GPR25: variants seen among roughly 807,000 people sequenced by gnomAD.
GPR25 encodes C-X-C chemokine receptor GPR25.
For missense variants in GPR25, 501 were observed against 503.0 expected, an observed-to-expected ratio of 1.00 and a Z score of 0.04; for synonymous variants, 280 against 264.9, an observed-to-expected ratio of 1.06 and a Z score of -0.55.
rs1262190425 is a variant in GPR25 at position 200,873,677 on chromosome 1, C to T, written c.640C>T (p.Pro214Ser). The change falls in exon 1 of 1, where the codon CCC becomes TCC. Residue 214 changes from proline to serine, a missense_variant. Coordinates refer to ENST00000304244, the MANE Select transcript of GPR25 (RefSeq NM_005298.4). ...LLLLLLTFVL[P>S]LVVTLFCYCR... Reference sequence around the variant, plus strand: ...GCTGCTGCTGCTGACCTTCGTGCTGCCCCTGGTCGTCACCCTCTTCTGCTA... The same window carrying T: ...GCTGCTGCTGCTGACCTTCGTGCTGTCCCTGGTCGTCACCCTCTTCTGCTA... 1 of 1,598,392 alleles carries T rather than the reference C, an allele frequency of 6.3e-7. No homozygotes were observed. The highest frequency in any genetic ancestry group is 8.5e-7 in the Non-Finnish European group (1 of 1,179,552).
Position 200,873,802 on chromosome 1 carries a change from C to T in GPR25, c.765C>T (p.Gly255=). ...IIFAIESTFV[G]SWLPFSALRA... The stretch of plus-strand genomic sequence containing the variant: ...TCGCCATCGAGAGCACGTTTGTGGG[C>T]TCCTGGCTGCCCTTCAGCGCCCTGC... The change falls in exon 1 of 1, where the codon GGC becomes GGT. Residue 255 remains glycine, a synonymous_variant. Coordinates refer to ENST00000304244, the MANE Select transcript of GPR25 (RefSeq NM_005298.4). 6.2e-7 allele frequency: 1 copy of T among 1,600,160 alleles called. No individual in the cohort carries two copies. Among genetic ancestry groups the T allele is most frequent in the Non-Finnish European group, 8.5e-7 (1 of 1,179,414 alleles).
In GPR25 at chr1:200,873,452, C is replaced by T. The variant is rs1274106720; in HGVS notation, c.415C>T (p.Leu139=). The T allele has an allele frequency of 6.4e-7, 1 of 1,557,330 alleles. No homozygotes were observed. Residue 139 remains leucine, a synonymous_variant, in exon 1 of 1, where the codon CTG becomes TTG. Transcript: ENST00000304244. ...GGCGGGCATGAGCGTGGACCGCTAC[C>T]TGGCCGTGGTGAAGCTGCTCGAGGC... ...LLAGMSVDRY[L]AVVKLLEARP...
In GPR25 at chr1:200,873,932, A is replaced by C. The variant is rs752625589; in HGVS notation, c.895A>C (p.Asn299His). The change falls in exon 1 of 1, where the codon AAC becomes CAC. Residue 299 changes from asparagine (N) to histidine (H), a missense_variant. Transcript: ENST00000304244. ...CATTGCCACCTGCCTGGCCTTCGTCAACAGCTGCGCCAACCCGCTCATCTA... is the reference window on the plus strand; with the variant it reads ...CATTGCCACCTGCCTGGCCTTCGTCCACAGCTGCGCCAACCCGCTCATCTA... ...LTIATCLAFV[N>H]SCANPLIYLL... is the part of the protein sequence containing the mutation. 1 of 1,611,478 alleles carries C rather than the reference A, an allele frequency of 6.2e-7. No individual in the cohort carries two copies. Among genetic ancestry groups the C allele is most frequent in the East Asian group, 2.2e-5 (1 of 44,832 alleles).
Position 200,873,981 on chromosome 1 carries a change from G to A in GPR25, c.944G>A (p.Arg315Gln). Residue 315 changes from arginine to glutamine, a missense_variant, in exon 1 of 1, where the codon CGA becomes CAA. Coordinates refer to ENST00000304244, the MANE Select transcript of GPR25 (RefSeq NM_005298.4). The stretch of plus-strand genomic sequence containing the variant: ...TACCTCCTGCTGGACCGCTCATTCC[G>A]AGCCCGGGCGCTGGACGGGGCCTGC... ...LIYLLLDRSF[R>Q]ARALDGACGR... 1.2e-6 allele frequency: 2 copies of A among 1,612,162 alleles called. No homozygotes were observed. Among genetic ancestry groups the A allele is most frequent in the South Asian group, 1.1e-5 (1 of 91,044 alleles).
In GPR25 at chr1:200,873,162, T is replaced by C; in HGVS notation, c.125T>C (p.Ile42Thr). 6.2e-7 allele frequency: 1 copy of C among 1,606,642 alleles called. No homozygotes were observed. The change falls in exon 1 of 1, where the codon ATC (isoleucine) becomes ACC (threonine). Residue 42 changes from isoleucine to threonine, a missense_variant. By Grantham distance (89) the Ile-to-Thr change is moderately conservative. Transcript: ENST00000304244. ...AGDLPYGYVY[I>T]PALYLAAFAV... is the part of the protein sequence containing the mutation. Reference sequence around the variant, plus strand: ...GACCTGCCCTACGGCTACGTCTACATCCCCGCGCTCTACCTGGCGGCCTTC... The same window carrying C: ...GACCTGCCCTACGGCTACGTCTACACCCCCGCGCTCTACCTGGCGGCCTTC...
rs745856591 is a variant in GPR25, at chr1:200,873,472, C to A, written c.435C>A (p.Leu145=). 1 of 1,563,018 alleles carries A rather than the reference C, an allele frequency of 6.4e-7. No individual in the cohort carries two copies. Among genetic ancestry groups the A allele is most frequent in the Admixed American group, 1.8e-5 (1 of 55,744 alleles). The change falls in exon 1 of 1, where the codon CTC becomes CTA. Residue 145 remains leucine, a synonymous_variant. Coordinates refer to ENST00000304244, the MANE Select transcript of GPR25 (RefSeq NM_005298.4). The part of the protein sequence containing the change: ...VDRYLAVVKL[L]EARPLRTPRC... The stretch of plus-strand genomic sequence containing the variant: ...GCTACCTGGCCGTGGTGAAGCTGCT[C>A]GAGGCGAGGCCACTGCGCACCCCGC...
Position 200,873,292 on chromosome 1 carries a change from C to A in GPR25, c.255C>A (p.Asp85Glu). 3 of 1,542,570 alleles carry A rather than the reference C, an allele frequency of 1.9e-6. No homozygotes were observed. The highest frequency in any genetic ancestry group is 1.9e-5 in the Admixed American group (1 of 51,642). ...DTFVLHLAAA[D>E]LGFVLTLPLW... ...TCGTGCTGCACCTGGCGGCAGCTGACCTGGGCTTCGTGCTCACGCTGCCGC... is the reference window on the plus strand; with the variant it reads ...TCGTGCTGCACCTGGCGGCAGCTGAACTGGGCTTCGTGCTCACGCTGCCGC... Residue 85 changes from aspartate (D) to glutamate (E), a missense_variant, in exon 1 of 1, where the codon GAC becomes GAA. Coordinates refer to ENST00000304244, the MANE Select transcript of GPR25 (RefSeq NM_005298.4).
At position 200,873,405 on chromosome 1, in the gene GPR25, G is replaced by T; in HGVS notation, c.368G>T (p.Arg123Leu). 13 of 1,496,082 alleles carry T rather than the reference G, an allele frequency of 8.7e-6. No homozygotes were observed. The highest frequency in any genetic ancestry group is 1.1e-5 in the Non-Finnish European group (12 of 1,132,420). 92.7% of individuals were successfully genotyped at this position (1,496,082 alleles called of 1,614,324 possible). A position where few individuals can be genotyped will look rare whatever the true frequency, so the allele number is the denominator to read the frequency against. The change falls in exon 1 of 1, where the codon CGC (arginine) becomes CTC (leucine). Residue 123 changes from arginine to leucine, a missense_variant. Coordinates refer to ENST00000304244, the MANE Select transcript of GPR25 (RefSeq NM_005298.4). ...KLSSFALAGT[R>L]CAGALLLAGM... Reference sequence around the variant, plus strand: ...AGCAGCTTCGCGCTGGCGGGCACGCGCTGCGCGGGCGCGCTGCTGCTGGCG... The same window carrying T: ...AGCAGCTTCGCGCTGGCGGGCACGCTCTGCGCGGGCGCGCTGCTGCTGGCG...
In GPR25 at chr1:200,873,716, C is replaced by A; in HGVS notation, c.679C>A (p.Arg227Ser). The change falls in exon 1 of 1, where the codon CGC (arginine) becomes AGC (serine). Residue 227 changes from arginine (R) to serine (S), a missense_variant. Transcript: ENST00000304244. ...CCTCTTCTGCTACTGCCGCATCTCGCGCCGCCTGCGACGGCCGCCGCACGT... is the reference window on the plus strand; with the variant it reads ...CCTCTTCTGCTACTGCCGCATCTCGAGCCGCCTGCGACGGCCGCCGCACGT... ...VTLFCYCRIS[R>S]RLRRPPHVGR... The A allele has an allele frequency of 6.3e-7, 1 of 1,597,798 alleles. No individual in the cohort carries two copies. The highest frequency in any genetic ancestry group is 8.5e-7 in the Non-Finnish European group (1 of 1,178,806).
chr1:200,873,726 G>A lies in GPR25; in HGVS notation c.689G>A (p.Arg230Gln). The change falls in exon 1 of 1, where the codon CGA becomes CAA. Residue 230 changes from arginine (R) to glutamine (Q), a missense_variant. By Grantham distance (43) the Arg-to-Gln change is conservative. Transcript: ENST00000304244. Reference protein sequence around the residue: ...FCYCRISRRLRRPPHVGRARR... With the variant: ...FCYCRISRRLQRPPHVGRARR... The stretch of plus-strand genomic sequence containing the variant: ...TACTGCCGCATCTCGCGCCGCCTGC[G>A]ACGGCCGCCGCACGTGGGTCGGGCC... 1 of 1,597,768 alleles carries A rather than the reference G, an allele frequency of 6.3e-7. No homozygotes were observed. Among genetic ancestry groups the A allele is most frequent in the South Asian group, 1.1e-5 (1 of 91,010 alleles).
rs770341765 is a variant in GPR25 at position 200,873,818 on chromosome 1, A to G, written c.781A>G (p.Ser261Gly). ...STFVGSWLPF[S>G]ALRAVFHLAR... ...GTTTGTGGGCTCCTGGCTGCCCTTC[A>G]GCGCCCTGCGGGCCGTCTTCCACCT... The change falls in exon 1 of 1, where the codon AGC (serine) becomes GGC (glycine). Residue 261 changes from serine (S) to glycine (G), a missense_variant. Ser to Gly is a moderately conservative substitution (Grantham distance 56, BLOSUM62 0). Coordinates refer to ENST00000304244, the MANE Select transcript of GPR25 (RefSeq NM_005298.4). 3.1e-6 allele frequency: 5 copies of G among 1,600,312 alleles called. No homozygotes were observed. Among genetic ancestry groups the G allele is most frequent in the African/African-American group, 2.7e-5 (2 of 74,704 alleles).
rs150175263 is a variant in GPR25 at position 200,873,104 on chromosome 1, G to C, written c.67G>C (p.Gly23Arg). ...SAPWDYSGLDGLEELELCPAG... is the reference protein window; with the variant it reads ...SAPWDYSGLDRLEELELCPAG... Reference sequence around the variant, plus strand: ...GCCCTGGGACTACTCGGGGTTGGACGGCCTGGAGGAGCTGGAGCTGTGTCC... The same window carrying C: ...GCCCTGGGACTACTCGGGGTTGGACCGCCTGGAGGAGCTGGAGCTGTGTCC... The change falls in exon 1 of 1, where the codon GGC (glycine) becomes CGC (arginine). Residue 23 changes from glycine to arginine, a missense_variant. Transcript: ENST00000304244. 51 of 1,594,280 alleles carry C rather than the reference G, an allele frequency of 3.2e-5. No individual in the cohort carries two copies. Among genetic ancestry groups the C allele is most frequent in the Non-Finnish European group, 4.3e-5 (51 of 1,174,302 alleles).
chr1:200,873,817 C>T lies in GPR25; in HGVS notation c.780C>T (p.Phe260=), dbSNP rs1410924769. 1.2e-6 allele frequency: 2 copies of T among 1,600,656 alleles called. No individual in the cohort carries two copies. Among genetic ancestry groups the T allele is most frequent in the African/African-American group, 1.3e-5 (1 of 74,912 alleles). ...CGTTTGTGGGCTCCTGGCTGCCCTT[C>T]AGCGCCCTGCGGGCCGTCTTCCACC... ...ESTFVGSWLP[F]SALRAVFHLA... is the part of the protein sequence containing the mutation. The change falls in exon 1 of 1, where the codon TTC becomes TTT. Residue 260 remains phenylalanine, a synonymous_variant. Transcript: ENST00000304244.
Position 200,873,454 on chromosome 1 carries a change from G to A in GPR25, c.417G>A (p.Leu139=), listed in dbSNP as rs748136315. Residue 139 remains leucine, a synonymous_variant, in exon 1 of 1, where the codon CTG becomes CTA. Transcript: ENST00000304244. ...LLAGMSVDRY[L]AVVKLLEARP... ...CGGGCATGAGCGTGGACCGCTACCT[G>A]GCCGTGGTGAAGCTGCTCGAGGCGA... 3.2e-6 allele frequency: 5 copies of A among 1,558,340 alleles called. No individual in the cohort carries two copies.
In GPR25 at chr1:200,872,999, G is replaced by C; in HGVS notation, c.-39G>C. The stretch of plus-strand genomic sequence containing the variant: ...CCTGCTCAGAGCTGCTGCCGCCTGC[G>C]CCCAGGGCTGCACTCCGCGCAGGCC... On this transcript the variant is annotated 5_prime_UTR_variant, in exon 1 of 1. Coordinates refer to ENST00000304244, the MANE Select transcript of GPR25 (RefSeq NM_005298.4). 1.4e-6 allele frequency: 2 copies of C among 1,454,892 alleles called. No individual in the cohort carries two copies. Among genetic ancestry groups the C allele is most frequent in the Non-Finnish European group, 1.8e-6 (2 of 1,105,456 alleles). 90.1% of individuals were successfully genotyped at this position (1,454,892 alleles called of 1,614,324 possible).
chr1:200,873,106 C>T lies in GPR25; in HGVS notation c.69C>T (p.Gly23=). 1.3e-6 allele frequency: 2 copies of T among 1,595,678 alleles called. No homozygotes were observed. The highest frequency in any genetic ancestry group is 2.3e-5 in the South Asian group (2 of 88,630). The part of the protein sequence containing the change: ...SAPWDYSGLD[G]LEELELCPAG... ...CCTGGGACTACTCGGGGTTGGACGG[C>T]CTGGAGGAGCTGGAGCTGTGTCCGG... The change falls in exon 1 of 1, where the codon GGC becomes GGT. Residue 23 remains glycine (G), a synonymous_variant. Transcript: ENST00000304244.
rs1360445820 is a variant in GPR25, at chr1:200,873,094, G to C, written c.57G>C (p.Ser19=). ...PSPGSAPWDY[S]GLDGLEELEL... is the part of the protein sequence containing the mutation. The stretch of plus-strand genomic sequence containing the variant: ...CGGGGTCAGCGCCCTGGGACTACTC[G>C]GGGTTGGACGGCCTGGAGGAGCTGG... The change falls in exon 1 of 1, where the codon TCG becomes TCC. Residue 19 remains serine, a synonymous_variant. Transcript: ENST00000304244. 1 of 1,588,812 alleles carries C rather than the reference G, an allele frequency of 6.3e-7. No homozygotes were observed. Among genetic ancestry groups the C allele is most frequent in the African/African-American group, 1.3e-5 (1 of 74,854 alleles).
Position 200,873,246 on chromosome 1 carries a change from C to T in GPR25, c.209C>T (p.Pro70Leu). ...TGGCTGCTGGCCGGGCGGCGGGGCCCGCGGCGGCTGGTGGATACCTTCGTG... is the reference window on the plus strand; with the variant it reads ...TGGCTGCTGGCCGGGCGGCGGGGCCTGCGGCGGCTGGTGGATACCTTCGTG... ...VVWLLAGRRG[P>L]RRLVDTFVLH... Residue 70 changes from proline to leucine, a missense_variant, in exon 1 of 1, where the codon CCG becomes CTG. Transcript: ENST00000304244. 3.2e-6 allele frequency: 5 copies of T among 1,578,578 alleles called. No individual in the cohort carries two copies. Among genetic ancestry groups the T allele is most frequent in the South Asian group, 2.3e-5 (2 of 87,250 alleles).
Position 200,873,342 on chromosome 1 carries a change from G to A in GPR25, c.305G>A (p.Gly102Asp), listed in dbSNP as rs1237798332. The A allele has an allele frequency of 2.0e-6, 3 of 1,477,848 alleles. No individual in the cohort carries two copies. Among genetic ancestry groups the A allele is most frequent in the African/African-American group, 3.0e-5 (2 of 67,762 alleles). 91.5% of individuals were successfully genotyped at this position (1,477,848 alleles called of 1,614,324 possible). A position where few individuals can be genotyped will look rare whatever the true frequency, so the allele number is the denominator to read the frequency against. ...CTGTGGGCCGCGGCGGCGGCGCTAG[G>A]CGGCCGCTGGCCGTTCGGCGATGGC... ...LPLWAAAAAL[G>D]GRWPFGDGLC... is the part of the protein sequence containing the mutation. Residue 102 changes from glycine to aspartate, a missense_variant, in exon 1 of 1, where the codon GGC becomes GAC. Transcript: ENST00000304244.
Sources: gnomAD v4.1 joint callset for allele counts on GRCh38, gnomAD v4.1.1 for gene constraint, MANE v1.5 for transcripts, NCBI Gene and HGNC (gene_info 2026-07-23, HGNC 2026-07-21) for gene names.